Variants in TBX20 observed in about 807,000 individuals in gnomAD.
TBX20 encodes T-box transcription factor 20, also known as T-box transcription factor TBX20.
Under a neutral mutation model 42.9 loss-of-function variants are expected in TBX20, and 8 were observed. The ratio of observed to expected loss-of-function variants is 0.19; its 90% CI spans 0.11 to 0.34. The LOEUF is 0.34. Ranked by LOEUF, TBX20 falls within the 10% of genes least tolerant of loss-of-function variation. The pLI is 1.00. For synonymous variants in TBX20, 198 were observed against 222.8 expected (o/e 0.89, Z 0.99); for missense variants, 411 against 566.0 (o/e 0.73, Z 2.78).
At chr7:35,226,404 C>T (rs1442525702) in intron 6 of TBX20, among the ~76,000 whole-genome samples, 1 of 81,082 alleles carries the variant, frequency 1.2e-5, no homozygotes, top group Admixed American at 1.1e-4. Context: ...GTGAACAATC[C>T]AAAAAAAAAA....
intron 6 of TBX20, among the ~76,000 whole-genome samples, chr7:35,229,599 G>A (rs1789833983): frequency 6.6e-6 from 1 of 152,110 alleles, no homozygotes; most frequent in Non-Finnish European, 1.5e-5. Context: ...TCCAATAAGT[G>A]GAAAATGTGG....
chr7:35,245,092 C>A (rs1342018631), intron 3 of TBX20, 35 bp from the exon 4 acceptor site: 3 of 1,426,696 alleles, frequency 2.1e-6, no homozygotes, highest in South Asian at 2.4e-5. Flanking sequence ...ATTGAGACTT[C>A]TTTAAAAAGT....
intron 6 of TBX20, among the ~76,000 whole-genome samples, chr7:35,224,394 G>A (rs1467075630): frequency 2.6e-5 from 4 of 152,166 alleles, no homozygotes; most frequent in African/African-American, 9.7e-5. Flanking sequence ...CAGGAGGGCT[G>A]GGCGCAGTGG....
intron 6 of TBX20, among the ~76,000 whole-genome samples, chr7:35,225,052 T>C (rs1335228127): frequency 6.6e-6 from 1 of 152,134 alleles, no homozygotes; most frequent in Non-Finnish European, 1.5e-5. Flanking sequence ...ATCATCATTT[T>C]TGCAAATGAT....
At chr7:35,241,101 C>T (rs1790070308) in intron 4 of TBX20, 64 bp from the exon 5 acceptor site, 46 of 1,461,786 alleles carry the variant, frequency 3.1e-5, no homozygotes. Context: ...GGCCAAATTA[C>T]AGTGAGGCAA....
In TBX20 at chr7:35,248,691, C is replaced by G. The variant is rs568702145; in HGVS notation, c.531G>C (p.Pro177=). ...GAGGCACGAACCTGGCTGGCAACGGCGGGTCGGCCTTGCCAGCCACCAGCC... is the reference window on the plus strand; with the variant it reads ...GAGGCACGAACCTGGCTGGCAACGGGGGGTCGGCCTTGCCAGCCACCAGCC... ...SSWLVAGKAD[P]PLPARLYVHP... The change falls in exon 3 of 8, where the codon CCG becomes CCC. Residue 177 remains proline, a synonymous_variant. Coordinates refer to ENST00000408931, the MANE Select transcript of TBX20 (RefSeq NM_001077653.2). The G allele has an allele frequency of 2.5e-6, 4 of 1,611,398 alleles. No individual in the cohort carries two copies. The African/African-American group carries it at 4.0e-5, about 16-fold the overall frequency.
chr7:35,226,776 T>C (rs1370104083), intron 6 of TBX20, among the ~76,000 whole-genome samples: 5 of 152,160 alleles, frequency 3.3e-5, no homozygotes, highest in Non-Finnish European at 1.5e-5. Context: ...ACTTGATTAA[T>C]GATAATAAAC....
Position 35,202,563 on chromosome 7 carries a change from C to T in TBX20, c.1211G>A (p.Ser404Asn), listed in dbSNP as rs1789320905. Residue 404 changes from serine (S) to asparagine (N), a missense_variant, in exon 8 of 8, where the codon AGC (serine) becomes AAC (asparagine). Ser to Asn is a conservative substitution (Grantham distance 46). Transcript: ENST00000408931. ...TGTGGGGCCACTCCCTTGCATGGAG[C>T]TGGCAATGGCCGATGGTGTCAGAGG... ...GMPLTPSAIA[S>N]SMQGSGPTFP... 2 of 1,613,968 alleles carry T rather than the reference C, an allele frequency of 1.2e-6. No homozygotes were observed. The highest frequency in any genetic ancestry group is 3.3e-5 in the Admixed American group (2 of 60,002).
At position 35,245,006 on chromosome 7, in the gene TBX20, C is replaced by A; in HGVS notation, c.597G>T (p.Gln199His). The change falls in exon 4 of 8, where the codon CAG becomes CAT. Residue 199 changes from glutamine (Q) to histidine (H), a missense_variant. Gln to His is a conservative substitution (Grantham distance 24). This residue lies in a region of TBX20 where 121 missense variants were observed against 165.9 expected (regional missense o/e 0.73). Coordinates refer to ENST00000408931, the MANE Select transcript of TBX20 (RefSeq NM_001077653.2). ...GTTTCACCTTTTCAAAAGACACCAT[C>A]TGTTTGAGTAGTTGCTCACCGGTAA... The part of the protein sequence containing the change: ...SPFTGEQLLK[Q>H]MVSFEKVKLT... 6.2e-7 allele frequency: 1 copy of A among 1,613,888 alleles called. No homozygotes were observed. Among genetic ancestry groups the A allele is most frequent in the East Asian group, 2.2e-5 (1 of 44,874 alleles).
intron 1 of TBX20, among the ~76,000 whole-genome samples, chr7:35,251,249 A>G (rs764333607): frequency 1.9e-4 from 29 of 152,242 alleles, no homozygotes; most frequent in Non-Finnish European, 4.3e-4. Flanking sequence ...TGCCCTCAAG[A>G]AATCAAAGCC....
chr7:35,230,073 C>T (rs1485214755), intron 6 of TBX20, among the ~76,000 whole-genome samples: 2 of 152,086 alleles, frequency 1.3e-5, no homozygotes, highest in Admixed American at 1.3e-4. Flanking sequence ...ATCACTATCA[C>T]CCCACTGCAT....
At chr7:35,244,927 C>G (rs1169539079) in intron 4 of TBX20, 22 bp downstream of exon 4, 1 of 1,573,106 alleles carries the variant, frequency 6.4e-7, no homozygotes, top group East Asian at 2.2e-5. Context: ...GGAACCTGCA[C>G]AGTCCAAGGC....
At position 35,250,273 on chromosome 7, in the gene TBX20, T is replaced by A; in HGVS notation, c.128-70A>T. ...AAGGAAAGATCTGGAAAGAACAGCA[T>A]AACCAAATGGTCACTTGGATTTGAC... On this transcript the variant is annotated intron_variant, in intron 1 of 7. Coordinates refer to ENST00000408931, the MANE Select transcript of TBX20 (RefSeq NM_001077653.2). 3.5e-6 allele frequency: 5 copies of A among 1,443,072 alleles called. 1 individual carries two copies. In the South Asian group the frequency reaches 5.9e-5, roughly 17 times the overall value. 89.4% of individuals were successfully genotyped at this position (1,443,072 alleles called of 1,614,324 possible).
rs79172623 is a variant in TBX20, at chr7:35,206,264, G to A, written c.891-1682C>T. Among the ~76,000 whole-genome samples, 644 of 152,316 alleles carry A rather than the reference G, an allele frequency of 4.2e-3. 5 individuals carry two copies. The highest frequency in any genetic ancestry group is 0.015 in the African/African-American group (611 of 41,584). The stretch of plus-strand genomic sequence containing the variant: ...GCACACATTTAAAGTGTATGGGGCC[G>A]GAGCCGGGGCCGGTGGCTCACACCT... On this transcript the variant is annotated intron_variant, in intron 6 of 7. Transcript: ENST00000408931.
rs2240994 is a variant in TBX20, at chr7:35,241,335, C to T, written c.655-298G>A. Among the ~76,000 whole-genome samples, 54,915 of 152,078 alleles carry T rather than the reference C, an allele frequency of 0.36. 10,293 individuals are homozygous for T. The highest frequency in any genetic ancestry group is 0.46 in the Admixed American group (7,001 of 15,292). On this transcript the variant is annotated intron_variant, in intron 4 of 7. Coordinates refer to ENST00000408931, the MANE Select transcript of TBX20 (RefSeq NM_001077653.2). ...AAGTTTTACCTATTTTTAAAAATCA[C>T]GTCTTTTAAATACTTTTGGTTTGCT...
chr7:35,206,262 C>T (rs1326371950), intron 6 of TBX20, among the ~76,000 whole-genome samples: 2 of 152,178 alleles, frequency 1.3e-5, no homozygotes, highest in Non-Finnish European at 2.9e-5. Context: ...GTGTATGGGG[C>T]CGGAGCCGGG....
intron 3 of TBX20, among the ~76,000 whole-genome samples, chr7:35,246,165 T>TG (rs1229707719): frequency 6.6e-6 from 1 of 152,168 alleles, no homozygotes; most frequent in Non-Finnish European, 1.5e-5. Flanking sequence ...TCTGTACAAA[T>TG]GCTGAAACTT....
At chr7:35,228,092 T>C (rs1264922966) in intron 6 of TBX20, among the ~76,000 whole-genome samples, 1 of 72,206 alleles carries the variant, frequency 1.4e-5, no homozygotes, top group South Asian at 3.1e-4. Context: ...AATAATACTA[T>C]GATAAAAAAA....
chr7:35,248,896 C>T (rs1378060108), intron 2 of TBX20, 55 bp from the exon 3 acceptor site: 4 of 1,602,602 alleles, frequency 2.5e-6, no homozygotes, highest in Non-Finnish European at 3.4e-6. Context: ...AATAAACTGA[C>T]CTGAATTAGG....
Sources: gnomAD v4.1 joint callset for allele counts (sites outside exome capture counted in the v4.1 genomes callset) on GRCh38, gnomAD v4.1.1 for gene constraint, gnomAD v4.1.1 regional missense constraint, MANE v1.5 for transcripts, NCBI Gene and HGNC (gene_info 2026-07-23, HGNC 2026-07-21) for gene names.